The following EPB41L2 variants were observed in gnomAD, a reference collection of about 807,000 sequenced individuals.
EPB41L2 encodes band 4.1-like protein 2.
Under a neutral mutation model 113.0 loss-of-function variants are expected in EPB41L2, and 43 were observed. The observed-to-expected ratio is 0.38, with a 90% confidence interval of 0.30 to 0.49. The LOEUF (loss-of-function observed/expected upper bound fraction) is 0.49. Among genes scored for constraint, EPB41L2 ranks in the 20% least tolerant of loss-of-function variants. EPB41L2 has a pLI of 0.95. For synonymous variants in EPB41L2, 442 were observed against 436.7 expected (o/e 1.01, Z -0.15); for missense variants, 1,147 against 1,223.4 (o/e 0.94, Z 0.93).
chr6:130,954,931 C>T (rs1180796673), intron 3 of EPB41L2, among the ~76,000 whole-genome samples, 174 bp downstream of exon 3: 4 of 152,188 alleles, frequency 2.6e-5, no homozygotes, highest in Admixed American at 2.6e-4. Context: ...CCCTGCTTAT[C>T]CCAAGGTCAT....
At chr6:130,862,825 T>A (rs543129972) in intron 18 of EPB41L2, among the ~76,000 whole-genome samples, 39 of 152,334 alleles carry the variant, frequency 2.6e-4, no homozygotes, top group South Asian at 1.5e-3. Flanking sequence ...TTTCCTGAGC[T>A]CAGTATTGTG....
chr6:130,959,630 G>A (rs774983516), intron 1 of EPB41L2, among the ~76,000 whole-genome samples: 3 of 152,194 alleles, frequency 2.0e-5, no homozygotes, highest in African/African-American at 4.8e-5. Context: ...AGCAAGACCC[G>A]AGGACAGGTA....
intron 6 of EPB41L2, 58 bp from the exon 7 acceptor site, chr6:130,901,238 A>T: frequency 2.0e-6 from 3 of 1,490,180 alleles, no homozygotes; most frequent in Non-Finnish European, 2.8e-6. Context: ...AGATTGGAGC[A>T]CTCACAGTCC....
At position 130,967,452 on chromosome 6, in the gene EPB41L2, A is replaced by G. The variant is rs141959821; in HGVS notation, c.-14-10953T>C. Among the ~76,000 whole-genome samples, 1,305 of 152,290 alleles carry G rather than the reference A, an allele frequency of 8.6e-3. 9 individuals carry two copies. The highest frequency in any genetic ancestry group is 0.021 in the South Asian group (99 of 4,818). On this transcript the variant is annotated intron_variant, in intron 1 of 19. Coordinates refer to ENST00000337057, the MANE Select transcript of EPB41L2 (RefSeq NM_001431.4). Reference sequence around the variant, plus strand: ...ACAACTGGCTTTTGCTAACAATAATACCGGTGCATATGCAGGCAGCGTAAA... The same window carrying G: ...ACAACTGGCTTTTGCTAACAATAATGCCGGTGCATATGCAGGCAGCGTAAA...
chr6:130,975,655 TAA>T (rs1421021946), intron 1 of EPB41L2, among the ~76,000 whole-genome samples: 1 of 152,058 alleles, frequency 6.6e-6, no homozygotes, highest in African/African-American at 2.4e-5. Context: ...TCTATCCTAC[TAA>T]GAAAAGAACC....
chr6:131,021,664 A>G (rs996515258), intron 1 of EPB41L2, among the ~76,000 whole-genome samples: 15 of 147,552 alleles, frequency 1.0e-4, no homozygotes, highest in African/African-American at 3.2e-4. Context: ...TCCGTCTGGG[A>G]AAAAAAAAAA....
At chr6:130,867,962 ACACACACACACT>A (rs1360088575) in intron 15 of EPB41L2, 183 of 162,278 alleles carry the variant, frequency 1.1e-3, no homozygotes, top group African/African-American at 5.1e-3. Context: ...ACACACACAC[ACACACACACACT>A]CTCTCTCTCT....
chr6:131,003,634 C>CA, intron 1 of EPB41L2, among the ~76,000 whole-genome samples: 1 of 152,280 alleles, frequency 6.6e-6, no homozygotes, highest in East Asian at 1.9e-4. Flanking sequence ...TGACTGAACG[C>CA]AAGTAACCTA....
At chr6:130,989,823 T>C (rs958887595) in intron 1 of EPB41L2, among the ~76,000 whole-genome samples, 3 of 152,162 alleles carry the variant, frequency 2.0e-5, no homozygotes, top group Non-Finnish European at 4.4e-5. Flanking sequence ...AATATTCAGT[T>C]AGTAGAATGG....
At chr6:131,025,420 T>C (rs952247910) in intron 1 of EPB41L2, among the ~76,000 whole-genome samples, 3 of 152,154 alleles carry the variant, frequency 2.0e-5, no homozygotes, top group Non-Finnish European at 2.9e-5. Flanking sequence ...ACAGATTTGA[T>C]CGAGATCAGA....
intron 1 of EPB41L2, among the ~76,000 whole-genome samples, chr6:131,046,651 C>G (rs1158826183): frequency 6.6e-6 from 1 of 152,144 alleles, no homozygotes; most frequent in Non-Finnish European, 1.5e-5. Context: ...TTCAACAGCT[C>G]CTTTTTAACC....
At chr6:130,948,622 A>G (rs1813760125) in intron 3 of EPB41L2, among the ~76,000 whole-genome samples, 1 of 152,210 alleles carries the variant, frequency 6.6e-6, no homozygotes, top group Admixed American at 6.5e-5. Flanking sequence ...TTACCAGTTT[A>G]AAGACAGAAT....
chr6:130,902,665 T>A (rs892846883), intron 6 of EPB41L2, among the ~76,000 whole-genome samples: 5 of 152,196 alleles, frequency 3.3e-5, no homozygotes, highest in Admixed American at 6.5e-5. Flanking sequence ...ACAACAGTGA[T>A]GTTTCTCCAC....
intron 1 of EPB41L2, among the ~76,000 whole-genome samples, chr6:130,974,206 A>G (rs1188643236): frequency 6.6e-6 from 1 of 152,182 alleles, no homozygotes; most frequent in Non-Finnish European, 1.5e-5. Context: ...CATAAAAAGA[A>G]GCACCAGAGA....
intron 4 of EPB41L2, among the ~76,000 whole-genome samples, chr6:130,925,511 C>A (rs556018001): frequency 1.3e-5 from 2 of 152,172 alleles, no homozygotes; most frequent in Admixed American, 6.5e-5. Flanking sequence ...TGTAGTATAT[C>A]CTATGCCTAC....
chr6:130,978,307 C>G (rs1339169053), intron 1 of EPB41L2, among the ~76,000 whole-genome samples: 1 of 152,218 alleles, frequency 6.6e-6, no homozygotes, highest in Non-Finnish European at 1.5e-5. Context: ...TGGGGAGGTA[C>G]AGCCCCAATC....
intron 1 of EPB41L2, chr6:130,978,741 G>C (rs1028017306): frequency 6.6e-6 from 1 of 152,214 alleles, no homozygotes; most frequent in Non-Finnish European, 1.5e-5. Context: ...TGTGGCTCCA[G>C]CAGTGTGAGA....
At chr6:130,938,847 C>T (rs909322609) in intron 3 of EPB41L2, among the ~76,000 whole-genome samples, 1 of 152,076 alleles carries the variant, frequency 6.6e-6, no homozygotes, top group Non-Finnish European at 1.5e-5. Flanking sequence ...ACTGCTGATC[C>T]TCTGTTACTT....
At chr6:131,046,188 A>G (rs1430184058) in intron 1 of EPB41L2, among the ~76,000 whole-genome samples, 4 of 151,032 alleles carry the variant, frequency 2.6e-5, no homozygotes, top group Non-Finnish European at 5.9e-5. Flanking sequence ...CCAAAGTGCT[A>G]GGATTACAGA....
Sources: gnomAD v4.1 joint callset for allele counts (sites outside exome capture counted in the v4.1 genomes callset) on GRCh38, gnomAD v4.1.1 for gene constraint, MANE v1.5 for transcripts, NCBI Gene and HGNC (gene_info 2026-07-23, HGNC 2026-07-21) for gene names.